CRISPLD2: variants seen among roughly 807,000 people sequenced by gnomAD.
The protein encoded by CRISPLD2 is cysteine rich secretory protein LCCL domain containing 2.
Under a neutral mutation model 71.1 loss-of-function variants are expected in CRISPLD2, and 47 were observed. The ratio of observed to expected loss-of-function variants is 0.66; its 90% confidence interval spans 0.52 to 0.84. The LOEUF (loss-of-function observed/expected upper bound fraction) is 0.84. CRISPLD2 is among the 40% of genes least tolerant of loss of function. CRISPLD2 has a pLI of 0.00. For missense variants in CRISPLD2, 830 were observed against 651.1 expected (o/e 1.27, Z -2.99); for synonymous variants, 317 against 250.1 (o/e 1.27, Z -2.52).
chr16:84,833,566 C>T (rs556096031), intron 1 of CRISPLD2, among the ~76,000 whole-genome samples: 1 of 152,256 alleles, frequency 6.6e-6, no homozygotes, highest in East Asian at 1.9e-4. Context: ...GCCTCACACC[C>T]TGGGTACCGA....
chr16:84,825,875 T>C (rs1916339224), intron 1 of CRISPLD2, among the ~76,000 whole-genome samples: 1 of 152,020 alleles, frequency 6.6e-6, no homozygotes, highest in African/African-American at 2.4e-5. Flanking sequence ...GTAGAAGACT[T>C]GAGCCCAGGA....
At chr16:84,893,963 C>G (rs1445862068) in intron 14 of CRISPLD2, among the ~76,000 whole-genome samples, 1 of 152,234 alleles carries the variant, frequency 6.6e-6, no homozygotes, top group Admixed American at 6.5e-5. Flanking sequence ...TATACTGTGA[C>G]CAGTTCACAG....
chr16:84,850,577 G>A lies in CRISPLD2; in HGVS notation c.502G>A (p.Ala168Thr), dbSNP rs775626498. 1 of 1,614,050 alleles carries A rather than the reference G, an allele frequency of 6.2e-7. No individual in the cohort carries two copies. The highest frequency in any genetic ancestry group is 1.1e-5 in the South Asian group (1 of 91,084). ...MCTHYTQIVW[A>T]TTNKIGCAVN... Reference sequence around the variant, plus strand: ...AATGTCATCTTTTCAGATAGTTTGGGCCACCACCAACAAGATCGGTTGTGC... The same window carrying A: ...AATGTCATCTTTTCAGATAGTTTGGACCACCACCAACAAGATCGGTTGTGC... Residue 168 changes from alanine (A) to threonine (T), a missense_variant, in exon 5 of 15, where the codon GCC becomes ACC. By Grantham distance (58) the Ala-to-Thr change is moderately conservative (BLOSUM62 0). Transcript: ENST00000262424.
chr16:84,884,611 C>A (rs1320496949), intron 13 of CRISPLD2, among the ~76,000 whole-genome samples: 1 of 151,308 alleles, frequency 6.6e-6, no homozygotes, highest in Non-Finnish European at 1.5e-5. Context: ...TTACTGAAGC[C>A]TGTGAGAGGA....
intron 13 of CRISPLD2, among the ~76,000 whole-genome samples, chr16:84,888,541 G>T (rs2071632870): frequency 6.6e-6 from 1 of 152,266 alleles, no homozygotes; most frequent in South Asian, 2.1e-4. Context: ...GTACCCAGCT[G>T]CTCCCTTGGT....
chr16:84,826,695 G>A (rs982309293), intron 1 of CRISPLD2, among the ~76,000 whole-genome samples: 1 of 152,242 alleles, frequency 6.6e-6, no homozygotes, highest in Non-Finnish European at 1.5e-5. Flanking sequence ...TGGCATCGCA[G>A]GACAAAGTGC....
intron 11 of CRISPLD2, 77 bp from the exon 12 acceptor site, chr16:84,877,360 TG>T: frequency 7.7e-7 from 1 of 1,299,860 alleles, no homozygotes; most frequent in Non-Finnish European, 1.1e-6. Context: ...GGTAGTCTAG[TG>T]GCCCATTGCA....
Position 84,873,230 on chromosome 16 carries a change from C to T in CRISPLD2, c.1112+108C>T, listed in dbSNP as rs950353813. ...GGCCGGGCGTGGTGGCTCACACCTG[C>T]ACTTTGGGAGGCAGAGGCAGGTGGA... On this transcript the variant is annotated intron_variant, in intron 10 of 14. Transcript: ENST00000262424. 3.0e-6 allele frequency: 4 copies of T among 1,325,330 alleles called. No homozygotes were observed. The African/African-American group carries it at 4.5e-5, about 15-fold the overall frequency. 82.1% of individuals were successfully genotyped at this position (1,325,330 alleles called of 1,614,324 possible). A position where few individuals can be genotyped will look rare whatever the true frequency, so the allele number is the denominator to read the frequency against.
At chr16:84,902,357 T>G (rs1269898699) in intron 14 of CRISPLD2, among the ~76,000 whole-genome samples, 1 of 151,498 alleles carries the variant, frequency 6.6e-6, no homozygotes, top group African/African-American at 2.4e-5. Flanking sequence ...CGCCTGTAAT[T>G]CCAGCACTTT....
In CRISPLD2 at chr16:84,907,819, G is replaced by A. The variant is rs377480575; in HGVS notation, c.*1177G>A. 1 of 152,106 alleles carries A rather than the reference G, an allele frequency of 6.6e-6. No individual in the cohort carries two copies. The highest frequency in any genetic ancestry group is 1.5e-5 in the Non-Finnish European group (1 of 68,036). 9.4% of individuals were successfully genotyped at this position (152,106 alleles called of 1,614,324 possible). A position where few individuals can be genotyped will look rare whatever the true frequency, so the allele number is the denominator to read the frequency against. On this transcript the variant is annotated 3_prime_UTR_variant, in exon 15 of 15. Coordinates refer to ENST00000262424, the MANE Select transcript of CRISPLD2 (RefSeq NM_031476.4). ...TAGAAGGATCTCTTTTCCTGTTTTCGTGAAACGACTCTTGCCAAACGTTCC... is the reference window on the plus strand; with the variant it reads ...TAGAAGGATCTCTTTTCCTGTTTTCATGAAACGACTCTTGCCAAACGTTCC...
chr16:84,852,501 C>G (rs567464930), intron 5 of CRISPLD2, among the ~76,000 whole-genome samples: 4 of 152,200 alleles, frequency 2.6e-5, no homozygotes, highest in South Asian at 4.1e-4. Context: ...GAGGTCTCCC[C>G]GTGGTGTTGC....
At chr16:84,886,356 T>C (rs983309809) in intron 13 of CRISPLD2, among the ~76,000 whole-genome samples, 1 of 152,196 alleles carries the variant, frequency 6.6e-6, no homozygotes, top group Non-Finnish European at 1.5e-5. Flanking sequence ...TTAGCAATGC[T>C]TCCGGGGCCC....
intron 7 of CRISPLD2, 126 bp downstream of exon 7, chr16:84,867,166 G>A (rs1033503747): frequency 2.8e-5 from 27 of 958,964 alleles, no homozygotes; most frequent in African/African-American, 6.6e-5. Flanking sequence ...AACAGGGTGC[G>A]GCGAAGCTCA....
At chr16:84,864,868 T>C (rs1917492183) in intron 6 of CRISPLD2, among the ~76,000 whole-genome samples, 1 of 152,102 alleles carries the variant, frequency 6.6e-6, no homozygotes, top group Admixed American at 6.5e-5. Context: ...AAGATTAGAA[T>C]TGGAGCTCAG....
chr16:84,854,493 G>T lies in CRISPLD2; in HGVS notation c.609-236G>T, dbSNP rs117664551. Among the ~76,000 whole-genome samples, 235 of 152,324 alleles carry T rather than the reference G, an allele frequency of 1.5e-3. 9 individuals are homozygous for T. The East Asian group carries it at 0.043, about 28-fold the overall frequency. On this transcript the variant is annotated intron_variant, in intron 5 of 14. Coordinates refer to ENST00000262424, the MANE Select transcript of CRISPLD2 (RefSeq NM_031476.4). ...CCAGCCAGGGCAAAGGTACTGTGTG[G>T]AAGGGCATCTTGTAGCTCCCTTCTG...
intron 4 of CRISPLD2, 60 bp from the exon 5 acceptor site, chr16:84,850,508 T>G: frequency 7.7e-6 from 11 of 1,421,924 alleles, no homozygotes; most frequent in African/African-American, 1.4e-5. Flanking sequence ...CCAGGCCAAA[T>G]GATATCACCC....
intron 12 of CRISPLD2, 28 bp from the exon 13 acceptor site, chr16:84,880,481 C>T (rs1047995515): frequency 1.3e-6 from 2 of 1,593,964 alleles, no homozygotes; most frequent in Non-Finnish European, 1.7e-6. Context: ...TGCTCAGACC[C>T]ATCACATAAA....
Position 84,883,505 on chromosome 16 carries a change from C to G in CRISPLD2, c.1305+2921C>G, listed in dbSNP as rs796647388. Among the ~76,000 whole-genome samples, 63 of 152,326 alleles carry G rather than the reference C, an allele frequency of 4.1e-4. 1 individual carries two copies. Among genetic ancestry groups the G allele is most frequent in the African/African-American group, 1.4e-3 (57 of 41,588 alleles). On this transcript the variant is annotated intron_variant, in intron 13 of 14. Transcript: ENST00000262424. The stretch of plus-strand genomic sequence containing the variant: ...AACCTCAGTCTTCTGTCCTCCCCAT[C>G]CCACTTGGTGCTTGGATACGTTCTC...
At chr16:84,840,657 C>T (rs925344801) in intron 2 of CRISPLD2, among the ~76,000 whole-genome samples, 1 of 152,094 alleles carries the variant, frequency 6.6e-6, no homozygotes, top group East Asian at 1.9e-4. Flanking sequence ...CAGGCTTGCA[C>T]CACCACGCCA....
Sources: gnomAD v4.1 joint callset for allele counts (sites outside exome capture counted in the v4.1 genomes callset) on GRCh38, gnomAD v4.1.1 for gene constraint, MANE v1.5 for transcripts, NCBI Gene and HGNC (gene_info 2026-07-23, HGNC 2026-07-21) for gene names.